The following TRIM43B variants were observed in gnomAD, a reference collection of about 807,000 sequenced individuals.
TRIM43B encodes tripartite motif-containing protein 43B.
TRIM43B carries 15 observed loss-of-function variants against 27.0 expected under a neutral mutation model. The observed-to-expected ratio is 0.55, with a 90% CI of 0.37 to 0.85. The LOEUF (loss-of-function observed/expected upper bound fraction) is 0.85, where lower values mean the gene tolerates loss of function less well. Among genes scored for constraint, TRIM43B ranks in the 40% least tolerant of loss-of-function variants. The pLI, the probability that TRIM43B is intolerant of heterozygous loss-of-function variation, is 0.00. For missense variants in TRIM43B, 172 were observed against 289.8 expected, an observed-to-expected ratio of 0.59 and a Z score of 2.95; for synonymous variants, 69 against 97.8, an observed-to-expected ratio of 0.71 and a Z score of 1.74.
exon 4 of TRIM43B, chr2:95,480,373 T>C: frequency 6.2e-7 from 1 of 1,609,970 alleles, no homozygotes; most frequent in Non-Finnish European, 8.5e-7. Flanking sequence ...TTCAAGTGTT[T>C]ACTCTTTTGA....
intron 3 of TRIM43B, 72 bp from the exon 4 acceptor site, chr2:95,480,607 C>G: frequency 6.4e-7 from 1 of 1,551,940 alleles, no homozygotes; most frequent in East Asian, 2.4e-5. Flanking sequence ...CAACTTCATC[C>G]TCCTCATTCC....
At chr2:95,481,516 T>A in intron 3 of TRIM43B, 79 bp downstream of exon 3, 1 of 1,089,668 alleles carries the variant, frequency 9.2e-7, no homozygotes, top group South Asian at 1.8e-5. Context: ...TATGAGAATT[T>A]CAACTCAAGT....
intron 1 of TRIM43B, among the ~76,000 whole-genome samples, chr2:95,483,801 C>T (rs1683583548): frequency 6.6e-6 from 1 of 151,978 alleles, no homozygotes; most frequent in Admixed American, 6.6e-5. Context: ...GCACTCCAGT[C>T]TGGGTAACAG....
chr2:95,482,408 A>T, exon 2 of TRIM43B: 1 of 1,602,952 alleles, frequency 6.2e-7, no homozygotes, highest in South Asian at 1.1e-5. Context: ...ATGTCACAGA[A>T]CATCTTCTTT....
chr2:95,484,100 G>A (rs924805354), intron 1 of TRIM43B, among the ~76,000 whole-genome samples: 23 of 150,564 alleles, frequency 1.5e-4, no homozygotes, highest in African/African-American at 5.6e-4. Context: ...GCCGGGCGCG[G>A]TGGCTCAGGC....
At chr2:95,482,488 A>G in exon 2 of TRIM43B, 8 of 1,605,292 alleles carry the variant, frequency 5.0e-6, no homozygotes, top group Non-Finnish European at 6.8e-6. Flanking sequence ...TTTTCTGGCA[A>G]TGGTCACTAA....
Position 95,482,293 on chromosome 2 carries a change from C to G in TRIM43B, c.411+11G>C, listed in dbSNP as rs1683542150. 2 of 1,611,286 alleles carry G rather than the reference C, an allele frequency of 1.2e-6. No homozygotes were observed. The highest frequency in any genetic ancestry group is 1.7e-6 in the Non-Finnish European group (2 of 1,179,576). ...CTCCAGCTTTCAGGTGATCACAGAG[C>G]TATCTCTTACCCGGTCTTCCTCAGC... On this transcript the variant is annotated intron_variant, in intron 2 of 6. Coordinates refer to ENST00000639673, the Ensembl canonical transcript of TRIM43B.
chr2:95,481,650 A>G, exon 3 of TRIM43B: 1 of 1,612,572 alleles, frequency 6.2e-7, no homozygotes, highest in Non-Finnish European at 8.5e-7. Flanking sequence ...ATTTTCTTGA[A>G]TCTTTTTCCA....
intron 1 of TRIM43B, 98 bp downstream of exon 1, chr2:95,484,508 C>G (rs1683606122): frequency 6.6e-6 from 1 of 152,028 alleles, no homozygotes; most frequent in Non-Finnish European, 1.5e-5. Flanking sequence ...ATCATTCCAT[C>G]TAAAAATAAT....
chr2:95,483,720 C>T (rs893329193), intron 1 of TRIM43B, among the ~76,000 whole-genome samples: 2 of 151,918 alleles, frequency 1.3e-5, no homozygotes, highest in African/African-American at 2.4e-5. Flanking sequence ...CCCAGCTACT[C>T]TGGAGGCGGG....
At chr2:95,483,908 C>A (rs1471874284) in intron 1 of TRIM43B, among the ~76,000 whole-genome samples, 1 of 151,820 alleles carries the variant, frequency 6.6e-6, no homozygotes, top group Middle Eastern at 3.4e-3. Flanking sequence ...TGCTAAAATA[C>A]AAATAAAAAT....
exon 3 of TRIM43B, chr2:95,481,661 T>C (rs1282759255): frequency 6.2e-7 from 1 of 1,612,358 alleles, no homozygotes; most frequent in East Asian, 2.2e-5. Context: ...TCTTTTTCCA[T>C]AAAATCCTCA....
intron 2 of TRIM43B, among the ~76,000 whole-genome samples, chr2:95,482,034 C>A (rs1683536562): frequency 1.3e-5 from 2 of 151,350 alleles, no homozygotes. Flanking sequence ...CCTTTCTTTG[C>A]ACTGGTAGTT....
intron 1 of TRIM43B, among the ~76,000 whole-genome samples, chr2:95,483,949 C>G (rs993388957): frequency 6.6e-6 from 1 of 151,620 alleles, no homozygotes; most frequent in Non-Finnish European, 1.5e-5. Flanking sequence ...TGACTCAAGC[C>G]TGTAATCCCA....
chr2:95,483,931 A>C (rs1007968057), intron 1 of TRIM43B, among the ~76,000 whole-genome samples: 1 of 151,946 alleles, frequency 6.6e-6, no homozygotes, highest in Admixed American at 6.6e-5. Context: ...AAACCAAGCC[A>C]GGGAAGGTGA....
At position 95,482,723 on chromosome 2, in the gene TRIM43B, G is replaced by A. The variant is rs756375622; in HGVS notation, c.-4-5C>T. The A allele has an allele frequency of 4.7e-5, 75 of 1,606,660 alleles. 1 individual carries two copies. The Middle Eastern group carries it at 3.2e-3, about 68-fold the overall frequency. On this transcript the variant is annotated splice_region_variant and splice_polypyrimidine_tract_variant and intron_variant, in intron 1 of 6. Transcript: ENST00000639673. ...GAGAAGTCTGAGTCCATTTTCCTAA[G>A]GAAAGAAAACCACAGGAATTTAATC...
rs1683591927 is a variant in TRIM43B at position 95,484,090 on chromosome 2, G to C, written c.-5+516C>G. On this transcript the variant is annotated intron_variant, in intron 1 of 6. Transcript: ENST00000639673. ...ATTTAAAAAAAAAAAAAAAAAAAAG[G>C]CCGGGCGCGGTGGCTCAGGCCTGTA... Among the ~76,000 whole-genome samples the C allele has an allele frequency of 5.5e-5, 8 of 144,798 alleles. No individual in the cohort carries two copies. In the South Asian group the frequency reaches 1.5e-3, roughly 28 times the overall value. The allele number at this position is 144,798 out of a possible 152,430, so 95.0% of individuals were successfully genotyped here.
At chr2:95,480,743 A>C (rs1683507447) in intron 3 of TRIM43B, among the ~76,000 whole-genome samples, 1 of 152,154 alleles carries the variant, frequency 6.6e-6, no homozygotes, top group African/African-American at 2.4e-5. Flanking sequence ...TGTTTAAATC[A>C]AATCGGAAAT....
rs1398957418 is a variant in TRIM43B at position 95,482,330 on chromosome 2, T to C, written c.385A>G (p.Ile129Val). Residue 129 changes from isoleucine to valine, a missense_variant, in exon 2 of 7, where the codon ATC becomes GTC. Transcript: ENST00000639673. The stretch of plus-strand genomic sequence containing the variant: ...CGGTCTTCCTCAGCTGCCTCTTCGA[T>C]GGGATAGTGTTTGTGAGCCCCGTGC... 20 of 1,611,494 alleles carry C rather than the reference T, an allele frequency of 1.2e-5. 1 individual carries two copies. Among genetic ancestry groups the C allele is most frequent in the Non-Finnish European group, 1.6e-5 (19 of 1,179,728 alleles).
Sources: allele counts gnomAD v4.1 joint callset (sites outside exome capture counted in the v4.1 genomes callset), GRCh38; gene constraint gnomAD v4.1.1; transcripts MANE v1.5; gene names NCBI Gene and HGNC (gene_info 2026-07-23, HGNC 2026-07-21).